CACNA2D3: variants seen among roughly 807,000 people sequenced by gnomAD.
CACNA2D3 encodes the protein voltage-dependent calcium channel subunit alpha-2/delta-3.
Under a neutral mutation model 160.6 loss-of-function variants are expected in CACNA2D3, and 60 were observed. The ratio of observed to expected loss-of-function variants is 0.37; its 90% confidence interval spans 0.30 to 0.46. The LOEUF (loss-of-function observed/expected upper bound fraction) is 0.46. Ranked by LOEUF, CACNA2D3 falls within the 20% of genes least tolerant of loss-of-function variation. The probability of loss-of-function intolerance (pLI) is 1.00; values close to 1 mark genes in which losing one functional copy is unlikely to be tolerated. For synonymous variants in CACNA2D3, 558 were observed against 492.9 expected (o/e 1.13, Z -1.75); for missense variants, 1,205 against 1,365.0 (o/e 0.88, Z 1.85).
intron 11 of CACNA2D3, among the ~76,000 whole-genome samples, chr3:54,651,607 G>A (rs1023624618): frequency 3.9e-5 from 6 of 152,026 alleles, no homozygotes; most frequent in African/African-American, 1.4e-4. Context: ...GGCACTTTTG[G>A]AACTCTGTTG....
Position 54,297,712 on chromosome 3 carries a change from CAAAA to C in CACNA2D3, c.205-22716_205-22713del, listed in dbSNP as rs5849037. Among the ~76,000 whole-genome samples, 632 of 116,198 alleles carry C rather than the reference CAAAA, an allele frequency of 5.4e-3. 2 individuals carry two copies. The highest frequency in any genetic ancestry group is 0.025 in the South Asian group (90 of 3,606). The allele number at this position is 116,198 out of a possible 152,430, so 76.2% of individuals were successfully genotyped here. On this transcript the variant is annotated intron_variant, in intron 2 of 37. Transcript: ENST00000474759. The stretch of plus-strand genomic sequence containing the variant: ...ATGTTGGTTCCCCTCTCCCCGCCAC[CAAAA>C]AAAAAAAAAAAAAGAGTGAAGAAAT...
rs527859016 is a variant in CACNA2D3, at chr3:54,937,769, C to G, written c.2450-30681C>G. 2.0e-5 allele frequency among the ~76,000 whole-genome samples: 3 copies of G among 152,024 alleles called. No individual in the cohort carries two copies. The South Asian group carries it at 6.3e-4, about 32-fold the overall frequency. ...CCAGGTAAAGGCATGGCATGTGTTA[C>G]GCTGAGAGGCCAGTGAGATGGCACA... On this transcript the variant is annotated intron_variant, in intron 27 of 37. Coordinates refer to ENST00000474759, the MANE Select transcript of CACNA2D3 (RefSeq NM_018398.3).
In CACNA2D3 at chr3:54,608,301, A is replaced by G. The variant is rs560721088; in HGVS notation, c.964-19486A>G. Among the ~76,000 whole-genome samples, 61 of 152,344 alleles carry G rather than the reference A, an allele frequency of 4.0e-4. No individual in the cohort carries two copies. In the South Asian group the frequency reaches 0.012, roughly 30 times the overall value. On this transcript the variant is annotated intron_variant, in intron 9 of 37. Transcript: ENST00000474759. ...AAGGGCACAGGAACTTTCTGATACT[A>G]GCTTTGCAACTTTTATGTCAGTCTA...
chr3:54,377,371 C>T (rs1358466048), intron 3 of CACNA2D3, among the ~76,000 whole-genome samples: 1 of 152,192 alleles, frequency 6.6e-6, no homozygotes, highest in Non-Finnish European at 1.5e-5. Flanking sequence ...CACATAACCT[C>T]CATGTAACTG....
At chr3:54,571,443 TG>T (rs879874117) in intron 8 of CACNA2D3, among the ~76,000 whole-genome samples, 11 of 150,568 alleles carry the variant, frequency 7.3e-5, no homozygotes, top group Non-Finnish European at 1.0e-4. Context: ...TTCAGATGGT[TG>T]GGGGGGGTCT....
chr3:54,243,788 A>G (rs952475614), intron 2 of CACNA2D3, among the ~76,000 whole-genome samples: 1 of 152,214 alleles, frequency 6.6e-6, no homozygotes, highest in African/African-American at 2.4e-5. Flanking sequence ...GATTGCTAGC[A>G]GTGTGACTTC....
intron 11 of CACNA2D3, among the ~76,000 whole-genome samples, chr3:54,683,086 T>A (rs575270115): frequency 6.6e-6 from 1 of 152,076 alleles, no homozygotes; most frequent in East Asian, 1.9e-4. Context: ...TCACACCCCC[T>A]CTACAAAGTT....
chr3:54,123,944 G>C (rs1420145080), intron 2 of CACNA2D3, among the ~76,000 whole-genome samples: 1 of 152,128 alleles, frequency 6.6e-6, no homozygotes, highest in Non-Finnish European at 1.5e-5. Context: ...TCATCCAAGG[G>C]GCAGACTCAG....
chr3:54,530,105 A>G (rs1701784520), intron 5 of CACNA2D3, among the ~76,000 whole-genome samples: 1 of 152,166 alleles, frequency 6.6e-6, no homozygotes, highest in East Asian at 1.9e-4. Context: ...CATCTTAGGC[A>G]AGTGGTCCCT....
At chr3:54,295,901 G>A (rs1039282136) in intron 2 of CACNA2D3, among the ~76,000 whole-genome samples, 2 of 152,224 alleles carry the variant, frequency 1.3e-5, no homozygotes, top group Non-Finnish European at 2.9e-5. Context: ...CTTTGGCTTA[G>A]TGATTTTGGG....
intron 27 of CACNA2D3, among the ~76,000 whole-genome samples, chr3:54,949,168 T>A (rs1434742626): frequency 6.6e-6 from 1 of 152,208 alleles, no homozygotes; most frequent in African/African-American, 2.4e-5. Flanking sequence ...TCCTGGGGCT[T>A]GTTCTCCTTG....
chr3:55,025,712 CT>C (rs1703551763), intron 35 of CACNA2D3, among the ~76,000 whole-genome samples: 3 of 149,294 alleles, frequency 2.0e-5, no homozygotes. Flanking sequence ...TGTTTTAGCT[CT>C]CTAATACCAC....
At chr3:54,656,372 C>T (rs1559540918) in intron 11 of CACNA2D3, among the ~76,000 whole-genome samples, 1 of 152,236 alleles carries the variant, frequency 6.6e-6, no homozygotes, top group South Asian at 2.1e-4. Context: ...AGACTGTGAA[C>T]TGGCTGGGAC....
chr3:54,589,307 T>G (rs751339929), intron 9 of CACNA2D3, among the ~76,000 whole-genome samples: 10 of 152,092 alleles, frequency 6.6e-5, no homozygotes, highest in Non-Finnish European at 1.2e-4. Flanking sequence ...TCTGGAGCAA[T>G]TGATCATTCA....
intron 12 of CACNA2D3, among the ~76,000 whole-genome samples, chr3:54,755,743 G>A (rs1455430122): frequency 6.6e-6 from 1 of 151,990 alleles, no homozygotes; most frequent in African/African-American, 2.4e-5. Flanking sequence ...TAAAAACCTT[G>A]AGTTAGCTAT....
chr3:54,609,890 G>T (rs1337016808), intron 9 of CACNA2D3, among the ~76,000 whole-genome samples: 1 of 152,166 alleles, frequency 6.6e-6, no homozygotes, highest in Admixed American at 6.5e-5. Context: ...CCACAAACTT[G>T]GTGGCTTAAA....
At chr3:54,761,918 G>C (rs539390846) in intron 12 of CACNA2D3, among the ~76,000 whole-genome samples, 62 of 152,258 alleles carry the variant, frequency 4.1e-4, no homozygotes, top group African/African-American at 1.4e-3. Flanking sequence ...ACAACAGCAG[G>C]GCTGGTATTT....
rs139619148 is a variant in CACNA2D3 at position 54,435,698 on chromosome 3, T to G, written c.381+48924T>G. Among the ~76,000 whole-genome samples the G allele has an allele frequency of 1.7e-3, 257 of 152,298 alleles. 5 individuals carry two copies. The East Asian group carries it at 0.04, about 24-fold the overall frequency. On this transcript the variant is annotated intron_variant, in intron 4 of 37. Transcript: ENST00000474759. ...AGGATATAATAAAAATCACTCACCA[T>G]ACCAAGAATCCAGAGAAATCATAAC... is the stretch of plus-strand genomic sequence containing the variant.
intron 12 of CACNA2D3, 108 bp from the exon 13 acceptor site, chr3:54,764,110 A>T: frequency 7.9e-7 from 1 of 1,268,060 alleles, no homozygotes; most frequent in South Asian, 1.5e-5. Context: ...ATTGAAAAGA[A>T]AAAAGAAGGA....
Sources: allele counts gnomAD v4.1 joint callset (sites outside exome capture counted in the v4.1 genomes callset), GRCh38; gene constraint gnomAD v4.1.1; transcripts MANE v1.5; gene names NCBI Gene and HGNC (gene_info 2026-07-23, HGNC 2026-07-21).